The following CNKSR3 variants were observed in gnomAD, a reference collection of about 807,000 sequenced individuals.
CNKSR3 encodes the protein connector enhancer of kinase suppressor of ras 3.
CNKSR3 carries 36 observed loss-of-function variants against 67.7 expected under a neutral mutation model. The ratio of observed to expected loss-of-function variants is 0.53; its 90% CI spans 0.41 to 0.70. CNKSR3 has a LOEUF of 0.70. Among genes scored for constraint, CNKSR3 ranks in the 30% least tolerant of loss-of-function variants. The pLI is 0.00. For synonymous variants in CNKSR3, 281 were observed against 271.4 expected (o/e 1.04, Z -0.35); for missense variants, 630 against 695.2 (o/e 0.91, Z 1.05).
chr6:154,443,141 GC>G (rs149324999), intron 2 of CNKSR3, among the ~76,000 whole-genome samples: 2,384 of 152,146 alleles, frequency 0.016, 67 homozygotes, highest in African/African-American at 0.055. Flanking sequence ...CAGGCACAAT[GC>G]CCCCCTCGGC....
intron 9 of CNKSR3, among the ~76,000 whole-genome samples, chr6:154,420,097 CA>C (rs1324907802): frequency 6.6e-6 from 1 of 150,742 alleles, no homozygotes; most frequent in Non-Finnish European, 1.5e-5. Flanking sequence ...CAAAACAAAA[CA>C]AAAAAAGAAG....
chr6:154,436,856 G>A (rs1345692813), intron 4 of CNKSR3, among the ~76,000 whole-genome samples: 1 of 152,130 alleles, frequency 6.6e-6, no homozygotes, highest in Non-Finnish European at 1.5e-5. Context: ...TGTACTTGGT[G>A]TAGGACTACA....
At chr6:154,441,530 C>A in intron 3 of CNKSR3, 151 bp from the exon 4 acceptor site, 1 of 614,374 alleles carries the variant, frequency 1.6e-6, no homozygotes. Flanking sequence ...GTCGCCCAGG[C>A]TGGAGTGCAG....
At position 154,401,799 on chromosome 6, in the gene CNKSR3, T is replaced by C. The variant is rs1784720269; in HGVS notation, c.*4555A>G. The C allele has an allele frequency of 6.6e-6, 1 of 152,222 alleles. No homozygotes were observed. Among genetic ancestry groups the C allele is most frequent in the Non-Finnish European group, 1.5e-5 (1 of 68,048 alleles). The allele number at this position is 152,222 out of a possible 1,614,324, so 9.4% of individuals were successfully genotyped here. ...CAGGCCTACTTCTCCATACCATTCA[T>C]GCCTATGGTGGCAAAAGGCAGCATG... On this transcript the variant is annotated 3_prime_UTR_variant, in exon 13 of 13. Coordinates refer to ENST00000607772, the MANE Select transcript of CNKSR3 (RefSeq NM_173515.4).
At chr6:154,468,557 C>T (rs1786259082) in intron 1 of CNKSR3, among the ~76,000 whole-genome samples, 1 of 152,088 alleles carries the variant, frequency 6.6e-6, no homozygotes, top group Non-Finnish European at 1.5e-5. Context: ...AGGATAATGG[C>T]TTCCTGTCTG....
At chr6:154,432,526 G>A (rs1196764296) in intron 5 of CNKSR3, among the ~76,000 whole-genome samples, 1 of 152,118 alleles carries the variant, frequency 6.6e-6, no homozygotes, top group Non-Finnish European at 1.5e-5. Context: ...TTTTAATGAA[G>A]TCTACCTTAT....
At chr6:154,458,868 T>TA (rs1786015726) in intron 1 of CNKSR3, among the ~76,000 whole-genome samples, 1 of 152,170 alleles carries the variant, frequency 6.6e-6, no homozygotes, top group African/African-American at 2.4e-5. Context: ...GGGACCATGA[T>TA]GAAACATAAT....
chr6:154,486,695 T>C (rs1444243367), intron 1 of CNKSR3, among the ~76,000 whole-genome samples: 1 of 151,740 alleles, frequency 6.6e-6, no homozygotes, highest in Admixed American at 6.6e-5. Flanking sequence ...GGTTTCACTA[T>C]GTTGGCCAGA....
intron 1 of CNKSR3, among the ~76,000 whole-genome samples, chr6:154,451,501 A>ACTCG (rs1562339011): frequency 1.4e-4 from 2 of 14,432 alleles, no homozygotes; most frequent in Admixed American, 1.8e-3. Flanking sequence ...ACACGCATAC[A>ACTCG]TGCACACACA....
At chr6:154,423,962 G>T (rs1046935754) in intron 7 of CNKSR3, among the ~76,000 whole-genome samples, 3 of 152,104 alleles carry the variant, frequency 2.0e-5, no homozygotes, top group Non-Finnish European at 4.4e-5. Flanking sequence ...GCCGGGCGCG[G>T]TGCCTCATGC....
intron 12 of CNKSR3, 38 bp downstream of exon 12, chr6:154,410,305 C>G: frequency 6.8e-7 from 1 of 1,464,776 alleles, no homozygotes; most frequent in Non-Finnish European, 9.6e-7. Flanking sequence ...TGTTCACTCC[C>G]CATTTGCTGT....
chr6:154,454,434 T>G (rs1785908658), intron 1 of CNKSR3, among the ~76,000 whole-genome samples: 1 of 152,160 alleles, frequency 6.6e-6, no homozygotes, highest in African/African-American at 2.4e-5. Context: ...CTCCTATAAT[T>G]CTAGCACTTT....
intron 1 of CNKSR3, among the ~76,000 whole-genome samples, chr6:154,462,296 G>A (rs1175307838): frequency 7.2e-6 from 1 of 138,724 alleles, no homozygotes; most frequent in African/African-American, 2.8e-5. Context: ...TATTCTTTCC[G>A]GTGAACCTGT....
intron 1 of CNKSR3, among the ~76,000 whole-genome samples, chr6:154,496,289 GT>G (rs1786875947): frequency 6.6e-6 from 1 of 152,206 alleles, no homozygotes. Context: ...CGAGCTGGCT[GT>G]TTGAAGGTAA....
In CNKSR3 at chr6:154,402,304, C is replaced by T. The variant is rs1784728103; in HGVS notation, c.*4050G>A. 1.3e-5 allele frequency: 2 copies of T among 152,348 alleles called. No individual in the cohort carries two copies. The highest frequency in any genetic ancestry group is 6.5e-5 in the Admixed American group (1 of 15,308). The allele number at this position is 152,348 out of a possible 1,614,324, so 9.4% of individuals were successfully genotyped here. A position where few individuals can be genotyped will look rare whatever the true frequency, so the allele number is the denominator to read the frequency against. On this transcript the variant is annotated 3_prime_UTR_variant, in exon 13 of 13. Transcript: ENST00000607772. ...AGAGCTGACTCATCAACACAACTTT[C>T]AATTGCCCCGCCCAATATTCATATA...
chr6:154,422,390 T>G, intron 9 of CNKSR3, 116 bp downstream of exon 9: 1 of 956,468 alleles, frequency 1.0e-6, no homozygotes, highest in Non-Finnish European at 1.6e-6. Flanking sequence ...TATAGGATAA[T>G]TACATACAAA....
At chr6:154,412,367 C>A (rs574619262) in intron 10 of CNKSR3, among the ~76,000 whole-genome samples, 1 of 152,166 alleles carries the variant, frequency 6.6e-6, no homozygotes, top group Non-Finnish European at 1.5e-5. Context: ...TCTTCCCGAG[C>A]AGTTTAATCC....
rs140332133 is a variant in CNKSR3, at chr6:154,449,470, G to A, written c.216+625C>T. On this transcript the variant is annotated intron_variant, in intron 2 of 12. Coordinates refer to ENST00000607772, the MANE Select transcript of CNKSR3 (RefSeq NM_173515.4). The stretch of plus-strand genomic sequence containing the variant: ...CCTGAATATCTGCGACTATAGGTGC[G>A]TGCTAGCCACACCTGGCTAACTTTT... Among the ~76,000 whole-genome samples the A allele has an allele frequency of 3.4e-3, 519 of 152,186 alleles. 3 individuals are homozygous for A. Among genetic ancestry groups the A allele is most frequent in the African/African-American group, 0.012 (498 of 41,506 alleles).
intron 1 of CNKSR3, among the ~76,000 whole-genome samples, chr6:154,482,107 A>AC (rs1786578865): frequency 6.6e-6 from 1 of 152,170 alleles, no homozygotes; most frequent in South Asian, 2.1e-4. Context: ...AACCTTACCA[A>AC]CTTCTCTCAA....
Sources: gnomAD v4.1 joint callset for allele counts (sites outside exome capture counted in the v4.1 genomes callset) on GRCh38, gnomAD v4.1.1 for gene constraint, MANE v1.5 for transcripts, NCBI Gene and HGNC (gene_info 2026-07-23, HGNC 2026-07-21) for gene names.